Variants in PDE8B observed in about 807,000 individuals in gnomAD.
PDE8B encodes the protein high affinity cAMP-specific and IBMX-insensitive 3',5'-cyclic phosphodiesterase 8B.
A neutral mutation model predicts 101.3 loss-of-function variants in PDE8B; 26 were observed. The observed-to-expected ratio is 0.26, with a 90% CI of 0.19 to 0.36. The LOEUF is 0.36. Among genes scored for constraint, PDE8B ranks in the 10% least tolerant of loss-of-function variants. The pLI, the probability that PDE8B is intolerant of heterozygous loss-of-function variation, is 1.00. For missense variants in PDE8B, 810 were observed against 1,163.1 expected (o/e 0.70, Z 4.42); for synonymous variants, 424 against 429.3 (o/e 0.99, Z 0.15).
intron 10 of PDE8B, among the ~76,000 whole-genome samples, chr5:77,367,157 A>G (rs1784292093): frequency 8.8e-6 from 1 of 114,146 alleles, no homozygotes; most frequent in African/African-American, 5.2e-5. Context: ...TTCTCAAAAC[A>G]CACACACACA....
At chr5:77,213,655 T>C (rs1052444724) in intron 1 of PDE8B, among the ~76,000 whole-genome samples, 1 of 152,138 alleles carries the variant, frequency 6.6e-6, no homozygotes, top group Non-Finnish European at 1.5e-5. Context: ...GGTGGAAAAA[T>C]AAAATCTTTA....
intron 20 of PDE8B, 115 bp downstream of exon 20, chr5:77,422,103 T>TTA: frequency 8.7e-7 from 1 of 1,144,984 alleles, no homozygotes; most frequent in East Asian, 2.6e-5. Flanking sequence ...TAACCACTCC[T>TTA]CCCTGGAAGA....
chr5:77,134,240 C>T, the PDE8B span: 1 of 152,216 alleles, frequency 6.6e-6, no homozygotes, highest in African/African-American at 2.4e-5. Flanking sequence ...AACAGGGTAC[C>T]ATCCTGCAGG....
intron 1 of PDE8B, among the ~76,000 whole-genome samples, chr5:77,246,442 C>G (rs1212695401): frequency 6.6e-6 from 1 of 152,146 alleles, no homozygotes; most frequent in Non-Finnish European, 1.5e-5. Flanking sequence ...GCCTGAGGTA[C>G]CGGTCTGGCT....
chr5:77,420,578 T>C (rs1021591330), intron 19 of PDE8B, among the ~76,000 whole-genome samples: 47 of 152,210 alleles, frequency 3.1e-4, no homozygotes, highest in African/African-American at 9.6e-4. Context: ...ATGATCATCA[T>C]GAGTAACTTG....
chr5:77,353,835 T>C (rs768468860), intron 10 of PDE8B, among the ~76,000 whole-genome samples: 13 of 152,340 alleles, frequency 8.5e-5, no homozygotes, highest in Non-Finnish European at 1.6e-4. Context: ...TACAGAAGAA[T>C]ACATCTGGAT....
chr5:77,375,839 G>C (rs1019695648), intron 10 of PDE8B, among the ~76,000 whole-genome samples: 4 of 150,044 alleles, frequency 2.7e-5, no homozygotes, highest in African/African-American at 9.8e-5. Flanking sequence ...CCATTTTGTT[G>C]CCCCTTTTTA....
chr5:77,091,658 AAAAT>A, the PDE8B span, among the ~76,000 whole-genome samples: 3 of 152,008 alleles, frequency 2.0e-5, no homozygotes, highest in African/African-American at 7.3e-5. Flanking sequence ...ATAATAAAAT[AAAAT>A]AAATAAATAA....
chr5:77,353,587 A>G (rs547807612), intron 10 of PDE8B, among the ~76,000 whole-genome samples, 181 bp downstream of exon 10: 3 of 152,226 alleles, frequency 2.0e-5, no homozygotes, highest in Admixed American at 6.5e-5. Context: ...CAGCAAACCT[A>G]TATCACTTTA....
At chr5:77,100,454 G>A in the PDE8B span, 2 of 152,234 alleles carry the variant, frequency 1.3e-5, no homozygotes, top group Non-Finnish European at 2.9e-5. Flanking sequence ...TAAAAAGAAA[G>A]AAAGGAAAGA....
At chr5:77,091,883 AGTAAGT>A in the PDE8B span, among the ~76,000 whole-genome samples, 1 of 152,212 alleles carries the variant, frequency 6.6e-6, no homozygotes. Context: ...AGGAGTTTTT[AGTAAGT>A]GCTGGTTATG....
chr5:77,346,206 ATC>A (rs1780123638), intron 7 of PDE8B, among the ~76,000 whole-genome samples: 2 of 152,218 alleles, frequency 1.3e-5, no homozygotes, highest in Non-Finnish European at 2.9e-5. Context: ...CGTGAAATGT[ATC>A]TGAAGGCTTC....
At chr5:77,229,679 A>G (rs758308706) in intron 1 of PDE8B, among the ~76,000 whole-genome samples, 2 of 152,122 alleles carry the variant, frequency 1.3e-5, no homozygotes, top group Non-Finnish European at 2.9e-5. Context: ...TTTCCTATAG[A>G]TGGACTCATA....
At chr5:77,420,553 A>G (rs1041373690) in intron 19 of PDE8B, among the ~76,000 whole-genome samples, 3 of 152,076 alleles carry the variant, frequency 2.0e-5, no homozygotes, top group South Asian at 4.2e-4. Flanking sequence ...AGGTTGGCAA[A>G]CTGGATGGAT....
At chr5:77,215,080 G>A (rs1206052639) in intron 1 of PDE8B, among the ~76,000 whole-genome samples, 3 of 152,118 alleles carry the variant, frequency 2.0e-5, no homozygotes, top group African/African-American at 7.2e-5. Context: ...CCCTGTACAG[G>A]AAGTCAAAAC....
At chr5:77,251,086 A>G (rs1361336718) in intron 1 of PDE8B, among the ~76,000 whole-genome samples, 1 of 152,208 alleles carries the variant, frequency 6.6e-6, no homozygotes, top group African/African-American at 2.4e-5. Flanking sequence ...CTGGCTTTGT[A>G]TCTCAACCCT....
rs76338340 is a variant in PDE8B at position 77,217,423 on chromosome 5, A to G, written c.339+6159A>G. Reference sequence around the variant, plus strand: ...GTTATATTTTCAATAAAGAATGTGTACATTTAGAACATATTTAAAAATATT... The same window carrying G: ...GTTATATTTTCAATAAAGAATGTGTGCATTTAGAACATATTTAAAAATATT... On this transcript the variant is annotated intron_variant, in intron 1 of 21. Transcript: ENST00000264917. Among the ~76,000 whole-genome samples, 570 of 152,290 alleles carry G rather than the reference A, an allele frequency of 3.7e-3. 3 individuals carry two copies. The highest frequency in any genetic ancestry group is 0.013 in the African/African-American group (556 of 41,558).
At chr5:77,284,462 A>C (rs1285066340) in intron 1 of PDE8B, among the ~76,000 whole-genome samples, 1 of 152,212 alleles carries the variant, frequency 6.6e-6, no homozygotes, top group East Asian at 1.9e-4. Flanking sequence ...TGCATATTAC[A>C]TTTAGGTTAG....
At chr5:77,400,069 A>G (rs954978005) in intron 10 of PDE8B, among the ~76,000 whole-genome samples, 179 bp from the exon 11 acceptor site, 9 of 152,220 alleles carry the variant, frequency 5.9e-5, no homozygotes, top group Non-Finnish European at 1.2e-4. Context: ...TCTGAAAGTA[A>G]CAGAGCCTTT....
Sources: gnomAD v4.1 joint callset for allele counts (sites outside exome capture counted in the v4.1 genomes callset) on GRCh38, gnomAD v4.1.1 for gene constraint, MANE v1.5 for transcripts, NCBI Gene and HGNC (gene_info 2026-07-23, HGNC 2026-07-21) for gene names.